The following HPS3 variants were observed in gnomAD, a reference collection of about 807,000 sequenced individuals.
The protein encoded by HPS3 is HPS3 biogenesis of lysosomal organelles complex 2 subunit 1, also known as BLOC-2 complex member HPS3.
HPS3 carries 79 observed loss-of-function variants against 110.9 expected under a neutral mutation model. That is an observed-to-expected ratio of 0.71 (90% CI 0.59 to 0.86). The LOEUF (loss-of-function observed/expected upper bound fraction) is 0.86. Among genes scored for constraint, HPS3 ranks in the 40% least tolerant of loss-of-function variants. The pLI is 0.00. For synonymous variants in HPS3, 428 were observed against 451.0 expected (o/e 0.95, Z 0.65); for missense variants, 1,197 against 1,206.2 (o/e 0.99, Z 0.11).
At chr3:149,144,737 A>G (rs1409550868) in intron 4 of HPS3, among the ~76,000 whole-genome samples, 2 of 152,226 alleles carry the variant, frequency 1.3e-5, no homozygotes, top group Non-Finnish European at 2.9e-5. Context: ...TATGGTAGCC[A>G]TTAGTCACAT....
chr3:149,141,465 T>C (rs1487344331), intron 4 of HPS3, 85 bp downstream of exon 4: 3 of 1,112,928 alleles, frequency 2.7e-6, no homozygotes, highest in Admixed American at 1.7e-5. Context: ...ATGTGGGTAA[T>C]AGGTTTGGTG....
chr3:149,140,357 G>T lies in HPS3; in HGVS notation c.571G>T (p.Val191Phe). 1.9e-6 allele frequency: 3 copies of T among 1,610,496 alleles called. No homozygotes were observed. The highest frequency in any genetic ancestry group is 2.5e-6 in the Non-Finnish European group (3 of 1,177,846). Residue 191 changes from valine (V) to phenylalanine (F), a missense_variant, in exon 2 of 17, where the codon GTT becomes TTT. By Grantham distance (50) the Val-to-Phe change is conservative. Transcript: ENST00000296051. ...IHIDNITPVE[V>F]SFCVGYVAVM... is the part of the protein sequence containing the mutation. ...CATAGATAATATCACTCCTGTTGAGGTTTCTTTTTGTGTTGGATATGTTGC... is the reference window on the plus strand; with the variant it reads ...CATAGATAATATCACTCCTGTTGAGTTTTCTTTTTGTGTTGGATATGTTGC...
chr3:149,162,753 C>T lies in HPS3; in HGVS notation c.2356C>T (p.Leu786=), dbSNP rs1219053813. 1 of 1,613,882 alleles carries T rather than the reference C, an allele frequency of 6.2e-7. No individual in the cohort carries two copies. The highest frequency in any genetic ancestry group is 8.5e-7 in the Non-Finnish European group (1 of 1,179,922). Reference sequence around the variant, plus strand: ...CTTGGTAGACTTTTGGGAAGCTCAGCTAGTGGCATGTCTCCCAGATGTGGT... The same window carrying T: ...CTTGGTAGACTTTTGGGAAGCTCAGTTAGTGGCATGTCTCCCAGATGTGGT... ...QLLVDFWEAQ[L]VACLPDVVLQ... is the part of the protein sequence containing the mutation. The change falls in exon 13 of 17, where the codon CTA becomes TTA. Residue 786 remains leucine (L), a synonymous_variant. Transcript: ENST00000296051.
intron 16 of HPS3, among the ~76,000 whole-genome samples, chr3:149,170,828 G>A (rs1429927382): frequency 1.3e-5 from 2 of 152,204 alleles, no homozygotes; most frequent in African/African-American, 4.8e-5. Flanking sequence ...GCACTGACAT[G>A]TGGATAGAAG....
chr3:149,129,920 GCCTGGCCTA>G lies in HPS3; in HGVS notation c.199_207del (p.Leu67_Tyr69del). 1.3e-6 allele frequency: 2 copies of G among 1,558,710 alleles called. No homozygotes were observed. Among genetic ancestry groups the G allele is most frequent in the East Asian group, 4.8e-5 (2 of 42,002 alleles). On this transcript the variant is annotated inframe_deletion, in exon 1 of 17. Coordinates refer to ENST00000296051, the MANE Select transcript of HPS3 (RefSeq NM_032383.5). ...TTCTCCACGCTGGGCCGGGTGTTGC[GCCTGGCCTA>G]CAGCGAGGCTGGTGAGTAATCTAGA...
At chr3:149,134,523 G>A (rs1020137741) in intron 1 of HPS3, among the ~76,000 whole-genome samples, 1 of 152,098 alleles carries the variant, frequency 6.6e-6, no homozygotes, top group Admixed American at 6.6e-5. Context: ...CTTACCTGTC[G>A]GATCCTTGGA....
chr3:149,141,418 G>GGTGAAA (rs1252814892), intron 4 of HPS3, 38 bp downstream of exon 4: 4 of 1,520,080 alleles, frequency 2.6e-6, no homozygotes, highest in Non-Finnish European at 2.7e-6. Context: ...AGTGCAGCAA[G>GGTGAAA]GTGAAAATGC....
chr3:149,130,699 G>C (rs1353866931), intron 1 of HPS3, among the ~76,000 whole-genome samples: 1 of 152,172 alleles, frequency 6.6e-6, no homozygotes, highest in Non-Finnish European at 1.5e-5. Flanking sequence ...AGAATCGCTT[G>C]AACCGGGGAG....
intron 8 of HPS3, 45 bp from the exon 9 acceptor site, chr3:149,157,305 G>A (rs1484848898): frequency 2.0e-6 from 3 of 1,532,648 alleles, no homozygotes; most frequent in Non-Finnish European, 2.7e-6. Flanking sequence ...AGGAACTTTT[G>A]AGAGTCTCTC....
intron 5 of HPS3, among the ~76,000 whole-genome samples, chr3:149,150,049 C>T (rs1280653532): frequency 6.6e-6 from 1 of 152,180 alleles, no homozygotes; most frequent in Non-Finnish European, 1.5e-5. Flanking sequence ...AGCTGCTGGA[C>T]TAGGTAATTC....
At chr3:149,130,947 G>T (rs35859668) in intron 1 of HPS3, among the ~76,000 whole-genome samples, 61 of 152,038 alleles carry the variant, frequency 4.0e-4, no homozygotes, top group African/African-American at 1.4e-3. Context: ...ACTTACCTTC[G>T]ATTCATACTT....
chr3:149,153,780 A>G, intron 7 of HPS3, 132 bp downstream of exon 7: 2 of 915,926 alleles, frequency 2.2e-6, no homozygotes, highest in Non-Finnish European at 3.5e-6. Context: ...GTCTTTTTCC[A>G]GAGAAAGAAA....
At chr3:149,135,663 AAAG>A (rs1455424033) in intron 1 of HPS3, among the ~76,000 whole-genome samples, 1 of 152,132 alleles carries the variant, frequency 6.6e-6, no homozygotes, top group Non-Finnish European at 1.5e-5. Flanking sequence ...TGTGTAAAGC[AAAG>A]AAGAGGGGAG....
intron 1 of HPS3, among the ~76,000 whole-genome samples, chr3:149,136,551 A>G (rs917549698): frequency 6.6e-5 from 10 of 152,186 alleles, no homozygotes; most frequent in Admixed American, 6.5e-5. Flanking sequence ...TTTGAGTCCC[A>G]GTTTCCTAAT....
chr3:149,167,105 T>C lies in HPS3; in HGVS notation c.2661T>C (p.Thr887=). 1 of 1,613,932 alleles carries C rather than the reference T, an allele frequency of 6.2e-7. No homozygotes were observed. The highest frequency in any genetic ancestry group is 2.2e-5 in the East Asian group (1 of 44,880). The part of the protein sequence containing the change: ...IPFLEPLSED[T]IAGLSVHVLC... ...TCTTGGAGCCACTTTCAGAAGACAC[T>C]ATTGCCGGCCTCAGTGTCCATGTTC... The change falls in exon 15 of 17, where the codon ACT becomes ACC. Residue 887 remains threonine (T), a synonymous_variant. Transcript: ENST00000296051.
intron 6 of HPS3, among the ~76,000 whole-genome samples, chr3:149,151,953 G>C (rs1025102323): frequency 1.3e-5 from 2 of 152,052 alleles, no homozygotes; most frequent in Non-Finnish European, 2.9e-5. Context: ...ACTCTTTCAC[G>C]GTCACTGTCA....
Position 149,141,199 on chromosome 3 carries a change from G to GATTT in HPS3, c.884+11_884+12insATTT. 8.3e-7 allele frequency: 1 copy of GATTT among 1,202,216 alleles called. No individual in the cohort carries two copies. Among genetic ancestry groups the GATTT allele is most frequent in the Non-Finnish European group, 1.1e-6 (1 of 883,680 alleles). The allele number at this position is 1,202,216 out of a possible 1,614,324, so 74.5% of individuals were successfully genotyped here. ...GCACCTGCTCTATAGGTATTATAGT[G>GATTT]CTTTTTTTTTTTTTACCAGCATTTT... On this transcript the variant is annotated intron_variant, in intron 3 of 16. Coordinates refer to ENST00000296051, the MANE Select transcript of HPS3 (RefSeq NM_032383.5).
intron 6 of HPS3, among the ~76,000 whole-genome samples, chr3:149,151,270 C>T (rs747947788): frequency 3.3e-5 from 5 of 151,192 alleles, no homozygotes; most frequent in Non-Finnish European, 4.4e-5. Context: ...TGGGCCCAAG[C>T]GATCTGCCTG....
intron 16 of HPS3, 72 bp from the exon 17 acceptor site, chr3:149,172,019 ATTGG>A: frequency 6.7e-7 from 1 of 1,491,924 alleles, no homozygotes; most frequent in East Asian, 2.3e-5. Context: ...CTGGCTTCTA[ATTGG>A]TTGGTTAAGT....
Sources: gnomAD v4.1 joint callset for allele counts (sites outside exome capture counted in the v4.1 genomes callset) on GRCh38, gnomAD v4.1.1 for gene constraint, MANE v1.5 for transcripts, NCBI Gene and HGNC (gene_info 2026-07-23, HGNC 2026-07-21) for gene names.